Variants in ABCB11 observed in about 807,000 individuals in gnomAD.
ABCB11 encodes ATP binding cassette subfamily B member 11.
A neutral mutation model predicts 148.0 loss-of-function variants in ABCB11; 95 were observed. The ratio of observed to expected loss-of-function variants is 0.64; its 90% CI spans 0.54 to 0.76. ABCB11 has a LOEUF of 0.76. ABCB11 is among the 30% of genes least tolerant of loss of function. The pLI is 0.00. For synonymous variants in ABCB11, 591 were observed against 555.4 expected (o/e 1.06, Z -0.90); for missense variants, 1,523 against 1,617.8 (o/e 0.94, Z 1.01).
At chr2:168,989,082 C>A (rs923305669) in intron 9 of ABCB11, among the ~76,000 whole-genome samples, 2 of 151,988 alleles carry the variant, frequency 1.3e-5, no homozygotes, top group Admixed American at 6.6e-5. Context: ...CTATAAATTG[C>A]CTCTTCACTC....
At position 168,999,209 on chromosome 2, in the gene ABCB11, C is replaced by T. The variant is rs189132651; in HGVS notation, c.390-2487G>A. Among the ~76,000 whole-genome samples, 604 of 151,586 alleles carry T rather than the reference C, an allele frequency of 4.0e-3. 2 individuals are homozygous for T. Among genetic ancestry groups the T allele is most frequent in the African/African-American group, 0.014 (571 of 41,424 alleles). On this transcript the variant is annotated intron_variant, in intron 5 of 27. Coordinates refer to ENST00000650372, the MANE Select transcript of ABCB11 (RefSeq NM_003742.4). ...GGAAAAAAGATAAAGAGACGTTTTA[C>T]AAATTATTATGACATGAGGACTTAT...
At chr2:168,945,281 T>TA (rs1692253758) in intron 19 of ABCB11, among the ~76,000 whole-genome samples, 1 of 151,844 alleles carries the variant, frequency 6.6e-6, no homozygotes, top group African/African-American at 2.4e-5. Context: ...AAAAGTGCTC[T>TA]AAAAAATAAA....
intron 4 of ABCB11, 66 bp downstream of exon 4, chr2:169,014,237 T>TGGGGG: frequency 6.9e-7 from 1 of 1,440,320 alleles, no homozygotes; most frequent in Non-Finnish European, 9.8e-7. Flanking sequence ...GATTTAACAC[T>TGGGGG]CCCCTCATGA....
chr2:168,919,795 TTA>T (rs1691023398), downstream of ABCB11, among the ~76,000 whole-genome samples: 1 of 152,164 alleles, frequency 6.6e-6, no homozygotes, highest in African/African-American at 2.4e-5. Flanking sequence ...TTTATGAATT[TTA>T]GTTTCATTGT....
At chr2:168,980,106 A>G in intron 10 of ABCB11, 127 bp from the exon 11 acceptor site, 2 of 558,516 alleles carry the variant, frequency 3.6e-6, no homozygotes, top group Admixed American at 2.8e-5. Context: ...TTCAAAAGCT[A>G]GCTCTTTGGC....
At chr2:168,966,832 A>C (rs1335273261) in intron 17 of ABCB11, among the ~76,000 whole-genome samples, 1 of 151,892 alleles carries the variant, frequency 6.6e-6, no homozygotes, top group Admixed American at 6.6e-5. Flanking sequence ...CTTTCTCTGC[A>C]GGAGGTTAAT....
At chr2:168,995,230 A>G (rs1241675864) in intron 7 of ABCB11, 119 bp downstream of exon 7, 1 of 1,193,890 alleles carries the variant, frequency 8.4e-7, no homozygotes, top group East Asian at 2.6e-5. Context: ...ATGAAAGCCC[A>G]ATTTAAGAGA....
intron 27 of ABCB11, 50 bp from the exon 28 acceptor site, chr2:168,923,872 A>C: frequency 6.4e-7 from 1 of 1,571,216 alleles, no homozygotes; most frequent in Non-Finnish European, 8.7e-7. Context: ...ATTGCTCCCC[A>C]GCCCACCATC....
intron 1 of ABCB11, among the ~76,000 whole-genome samples, chr2:169,021,943 A>C (rs1695553870): frequency 6.6e-6 from 1 of 152,022 alleles, no homozygotes; most frequent in Non-Finnish European, 1.5e-5. Flanking sequence ...ATATTCTGAC[A>C]ATGCAATTAA....
At chr2:168,989,230 C>A (rs116380144) in intron 9 of ABCB11, among the ~76,000 whole-genome samples, 1,701 of 152,142 alleles carry the variant, frequency 0.011, 18 homozygotes, top group Middle Eastern at 0.044. Flanking sequence ...CTTCCCTATG[C>A]TTTCTTCTAG....
At position 168,976,651 on chromosome 2, in the gene ABCB11, T is replaced by C; in HGVS notation, c.1234A>G (p.Lys412Glu). The change falls in exon 12 of 28, where the codon AAG (lysine) becomes GAG (glutamate). Residue 412 changes from lysine (K) to glutamate (E), a missense_variant. Lys to Glu is a moderately conservative substitution (Grantham distance 56). Transcript: ENST00000650372. ...ATTTCACCCTTGATTCGATCCAACT[T>C]GTAACCATCTTCTGACATGCAGTCA... ...IIDCMSEDGY[K>E]LDRIKGEIEF... is the part of the protein sequence containing the mutation. 1 of 1,611,722 alleles carries C rather than the reference T, an allele frequency of 6.2e-7. No individual in the cohort carries two copies. Among genetic ancestry groups the C allele is most frequent in the Non-Finnish European group, 8.5e-7 (1 of 1,178,300 alleles).
downstream of ABCB11, among the ~76,000 whole-genome samples, chr2:168,916,500 C>A (rs562214770): frequency 6.6e-6 from 1 of 152,190 alleles, no homozygotes; most frequent in Non-Finnish European, 1.5e-5. Context: ...CCATACAACT[C>A]GCTAATGAGC....
chr2:168,996,583 G>C, intron 6 of ABCB11, 52 bp downstream of exon 6: 2 of 1,088,796 alleles, frequency 1.8e-6, no homozygotes, highest in Non-Finnish European at 2.6e-6. Flanking sequence ...TCTCATTGTA[G>C]TGTCTTTGAG....
intron 5 of ABCB11, among the ~76,000 whole-genome samples, chr2:169,004,140 C>T (rs1169669961): frequency 6.6e-6 from 1 of 152,096 alleles, no homozygotes; most frequent in Non-Finnish European, 1.5e-5. Flanking sequence ...AGGTGATGAT[C>T]TTTTTGCAAT....
chr2:168,923,471 G>A lies in ABCB11; in HGVS notation c.*151C>T, dbSNP rs373284476. The A allele has an allele frequency of 2.6e-5, 18 of 700,452 alleles. No homozygotes were observed. The highest frequency in any genetic ancestry group is 1.8e-4 in the African/African-American group (10 of 55,362). 43.4% of individuals were successfully genotyped at this position (700,452 alleles called of 1,614,324 possible). A position where few individuals can be genotyped will look rare whatever the true frequency, so the allele number is the denominator to read the frequency against. On this transcript the variant is annotated 3_prime_UTR_variant, in exon 28 of 28. Transcript: ENST00000650372. ...GCCATTAGAAATTAGCTTGGATTCC[G>A]ATGTAGGAAAATGACTGTAAAAGTA...
chr2:168,942,825 G>A (rs1361279319), intron 21 of ABCB11, among the ~76,000 whole-genome samples: 1 of 151,846 alleles, frequency 6.6e-6, no homozygotes, highest in Non-Finnish European at 1.5e-5. Flanking sequence ...GATCAATTCA[G>A]ACTAGAGAAT....
At chr2:169,018,180 C>A in intron 1 of ABCB11, 28 bp from the exon 2 acceptor site, 3 of 1,555,946 alleles carry the variant, frequency 1.9e-6, no homozygotes, top group South Asian at 2.3e-5. Context: ...AGAATCATTG[C>A]AATTATTATC....
chr2:168,932,507 G>A lies in ABCB11; in HGVS notation c.3083C>T (p.Ala1028Val), dbSNP rs1171209104. The A allele has an allele frequency of 1.9e-6, 3 of 1,613,490 alleles. No individual in the cohort carries two copies. The highest frequency in any genetic ancestry group is 2.2e-5 in the East Asian group (1 of 44,884). The change falls in exon 24 of 28, where the codon GCA (alanine) becomes GTA (valine). Residue 1028 changes from alanine (A) to valine (V), a missense_variant. Ala to Val is a moderately conservative substitution (Grantham distance 64). Transcript: ENST00000650372. ...AGAGAAGGCTCTTCCAAGAGCTGTT[G>A]CACTCAGTACAACTGCAGAGATCAC... The part of the protein sequence containing the change: ...FRVISAVVLS[A>V]TALGRAFSYT...
At chr2:168,983,953 G>A (rs11903009) in intron 10 of ABCB11, among the ~76,000 whole-genome samples, 3,342 of 152,152 alleles carry the variant, frequency 0.022, 126 homozygotes, top group African/African-American at 0.074. Context: ...GGGTAGAAAC[G>A]GGTGGGCACA....
Sources: gnomAD v4.1 joint callset for allele counts (sites outside exome capture counted in the v4.1 genomes callset) on GRCh38, gnomAD v4.1.1 for gene constraint, MANE v1.5 for transcripts, NCBI Gene and HGNC (gene_info 2026-07-23, HGNC 2026-07-21) for gene names.